Variants in ELL observed in about 807,000 individuals in gnomAD.
The protein encoded by ELL is RNA polymerase II elongation factor ELL.
In ELL, 18 loss-of-function variants were observed where a neutral mutation model predicts 64.0. That is an observed-to-expected ratio of 0.28 (90% CI 0.19 to 0.42). The LOEUF (loss-of-function observed/expected upper bound fraction) is 0.42. Among genes scored for constraint, ELL ranks in the 10% least tolerant of loss-of-function variants. ELL has a pLI of 1.00. For synonymous variants in ELL, 399 were observed against 376.2 expected, an observed-to-expected ratio of 1.06 and a Z score of -0.70; for missense variants, 797 against 870.4, an observed-to-expected ratio of 0.92 and a Z score of 1.06.
intron 8 of ELL, among the ~76,000 whole-genome samples, chr19:18,447,246 C>T (rs1209484941): frequency 6.6e-6 from 1 of 152,244 alleles, no homozygotes; most frequent in African/African-American, 2.4e-5. Context: ...ACAAATGACC[C>T]CTGGCTTGAC....
intron 8 of ELL, chr19:18,448,136 A>G (rs1397296904): frequency 6.7e-6 from 1 of 148,930 alleles, no homozygotes; most frequent in Non-Finnish European, 1.5e-5. Flanking sequence ...AGGCTTGCCT[A>G]TATCGCCTAG....
intron 1 of ELL, among the ~76,000 whole-genome samples, chr19:18,497,523 A>C (rs1005194939): frequency 1.3e-5 from 2 of 152,166 alleles, no homozygotes; most frequent in Admixed American, 1.3e-4. Flanking sequence ...AGGGCTCCAG[A>C]TGATAAAGAC....
At chr19:18,519,970 T>C (rs1256445955) in intron 1 of ELL, among the ~76,000 whole-genome samples, 1 of 152,084 alleles carries the variant, frequency 6.6e-6, no homozygotes, top group Non-Finnish European at 1.5e-5. Flanking sequence ...AGGAAGCCCC[T>C]CCTGGCTGGT....
chr19:18,451,835 A>G (rs1405501790), intron 6 of ELL, among the ~76,000 whole-genome samples, 187 bp from the exon 7 acceptor site: 1 of 152,162 alleles, frequency 6.6e-6, no homozygotes, highest in East Asian at 1.9e-4. Flanking sequence ...CTTCACCCAA[A>G]GGAGGACTTC....
chr19:18,461,766 T>C lies in ELL; in HGVS notation c.556A>G (p.Ser186Gly). 2.5e-6 allele frequency: 4 copies of C among 1,614,092 alleles called. No individual in the cohort carries two copies. The highest frequency in any genetic ancestry group is 3.4e-6 in the Non-Finnish European group (4 of 1,180,042). ...RKRATPINLASAIRKSGASAV... is the reference protein window; with the variant it reads ...RKRATPINLAGAIRKSGASAV... ...CTGGCACCACTCTTCCTGATGGCACTCGCCAAGTTGATGGGGGTTGCCCGC... is the reference window on the plus strand; with the variant it reads ...CTGGCACCACTCTTCCTGATGGCACCCGCCAAGTTGATGGGGGTTGCCCGC... The change falls in exon 5 of 12, where the codon AGT (serine) becomes GGT (glycine). Residue 186 changes from serine to glycine, a missense_variant. Physicochemically the swap from Ser to Gly is moderately conservative, Grantham distance 56. Transcript: ENST00000262809.
At chr19:18,479,708 CAA>C (rs60371809) in intron 1 of ELL, among the ~76,000 whole-genome samples, 13 of 72,800 alleles carry the variant, frequency 1.8e-4, no homozygotes, top group Admixed American at 4.7e-4. Flanking sequence ...GACTCCATCT[CAA>C]AAAAAAAAAA....
chr19:18,519,568 A>T (rs1360484559), intron 1 of ELL, among the ~76,000 whole-genome samples: 1 of 152,204 alleles, frequency 6.6e-6, no homozygotes, highest in Non-Finnish European at 1.5e-5. Flanking sequence ...GCACTTTTAG[A>T]GGCTGAGAAG....
At chr19:18,472,516 A>G in intron 2 of ELL, 1 of 347,708 alleles carries the variant, frequency 2.9e-6, no homozygotes. Context: ...CTGTGTGGGC[A>G]GTTCCTAACC....
chr19:18,522,018 G>T lies in ELL; in HGVS notation c.38C>A (p.Ser13Ter). 6.2e-7 allele frequency: 1 copy of T among 1,610,394 alleles called. No homozygotes were observed. The highest frequency in any genetic ancestry group is 8.5e-7 in the Non-Finnish European group (1 of 1,178,440). The stretch of plus-strand genomic sequence containing the variant: ...GCTGCCGTCGCTAACCCGCCCGCAC[G>T]ACAGCCCGTAGCTCCTATCCTCCTT... ...ALKEDRSYGL[S>*]CGRVSDGSKV... Residue 13 changes from serine to a stop codon, truncating the protein, a stop_gained, in exon 1 of 12, where the codon TCG becomes TAG. Transcript: ENST00000262809. LOFTEE classifies it high-confidence loss of function.
chr19:18,486,901 T>C (rs537598991), intron 1 of ELL, among the ~76,000 whole-genome samples: 8 of 152,274 alleles, frequency 5.3e-5, no homozygotes, highest in Admixed American at 3.9e-4. Flanking sequence ...GGATGTGACC[T>C]TGCCAGCCAC....
chr19:18,499,122 C>T (rs760923044), intron 1 of ELL, among the ~76,000 whole-genome samples: 5 of 152,166 alleles, frequency 3.3e-5, no homozygotes, highest in Non-Finnish European at 5.9e-5. Context: ...GCAGTGTCAA[C>T]GACCTCTCCT....
rs112639492 is a variant in ELL, at chr19:18,469,141, G to A, written c.184-3223C>T. Among the ~76,000 whole-genome samples the A allele has an allele frequency of 8.0e-3, 1,219 of 152,290 alleles. 16 individuals carry two copies. Among genetic ancestry groups the A allele is most frequent in the African/African-American group, 0.027 (1,139 of 41,546 alleles). ...CAGGCCTCAAAGCTGATGCTCGGGA[G>A]AGTGTCGTGCTGCTGGCGAAAAGGG... On this transcript the variant is annotated intron_variant, in intron 2 of 11. Coordinates refer to ENST00000262809, the MANE Select transcript of ELL (RefSeq NM_006532.4).
At chr19:18,477,378 G>A (rs763269770) in intron 1 of ELL, among the ~76,000 whole-genome samples, 11 of 152,296 alleles carry the variant, frequency 7.2e-5, no homozygotes, top group East Asian at 1.9e-4. Flanking sequence ...GGGATCCCAC[G>A]TGCAAGTAAC....
intron 1 of ELL, among the ~76,000 whole-genome samples, chr19:18,503,411 G>A (rs1469114298): frequency 6.6e-6 from 1 of 152,360 alleles, no homozygotes; most frequent in Middle Eastern, 3.4e-3. Context: ...TGGGGGGCAC[G>A]TCTGGCCAGG....
intron 1 of ELL, among the ~76,000 whole-genome samples, chr19:18,503,114 T>G (rs1386351608): frequency 6.6e-6 from 1 of 152,150 alleles, no homozygotes; most frequent in Non-Finnish European, 1.5e-5. Flanking sequence ...GAACCTGGCT[T>G]AAAAAGAAAA....
At chr19:18,490,361 G>C (rs10418554) in intron 1 of ELL, among the ~76,000 whole-genome samples, 48,504 of 151,998 alleles carry the variant, frequency 0.32, 9,680 homozygotes, top group African/African-American at 0.57. Context: ...ACACAGCAGG[G>C]ACCAGCTTCA....
intron 1 of ELL, among the ~76,000 whole-genome samples, chr19:18,476,324 G>GCT: frequency 6.6e-6 from 1 of 152,232 alleles, no homozygotes; most frequent in South Asian, 2.1e-4. Context: ...CCAGGGATGA[G>GCT]GGCTCAGAAA....
chr19:18,458,706 C>T (rs1248715781), intron 5 of ELL, among the ~76,000 whole-genome samples: 3 of 152,192 alleles, frequency 2.0e-5, no homozygotes, highest in African/African-American at 7.2e-5. Context: ...GATCTTAGCT[C>T]ACTATAGCCT....
intron 5 of ELL, 108 bp from the exon 6 acceptor site, chr19:18,458,437 G>A: frequency 6.7e-7 from 1 of 1,490,506 alleles, no homozygotes; most frequent in East Asian, 2.3e-5. Context: ...GACAGTGGGA[G>A]ACAGACAGAG....
Sources: gnomAD v4.1 joint callset for allele counts (sites outside exome capture counted in the v4.1 genomes callset) on GRCh38, gnomAD v4.1.1 for gene constraint, MANE v1.5 for transcripts, NCBI Gene and HGNC (gene_info 2026-07-23, HGNC 2026-07-21) for gene names.